Variants in BRINP1 observed in about 807,000 individuals in gnomAD.
BRINP1 encodes BMP/retinoic acid-inducible neural-specific protein 1.
Under a neutral mutation model 72.9 loss-of-function variants are expected in BRINP1, and 17 were observed. The ratio of observed to expected loss-of-function variants is 0.23; its 90% CI spans 0.16 to 0.35. The LOEUF (loss-of-function observed/expected upper bound fraction) is 0.35. Among genes scored for constraint, BRINP1 ranks in the 10% least tolerant of loss-of-function variants. BRINP1 has a pLI of 1.00. For missense variants in BRINP1, 850 were observed against 1,001.6 expected (o/e 0.85, Z 2.04); for synonymous variants, 418 against 378.5 (o/e 1.10, Z -1.21).
At chr9:119,334,039 CAG>C (rs1831326065) in intron 1 of BRINP1, among the ~76,000 whole-genome samples, 1 of 152,220 alleles carries the variant, frequency 6.6e-6, no homozygotes, top group African/African-American at 2.4e-5. Flanking sequence ...CACTCCCTGA[CAG>C]AGGCAGCTCT....
chr9:119,301,775 C>T (rs147895024), intron 2 of BRINP1, among the ~76,000 whole-genome samples: 48 of 152,240 alleles, frequency 3.2e-4, no homozygotes, highest in Non-Finnish European at 4.1e-4. Flanking sequence ...TCTGTACTAT[C>T]GTAGCAACTT....
At chr9:119,183,042 A>G (rs1362748453) in intron 7 of BRINP1, among the ~76,000 whole-genome samples, 1 of 152,258 alleles carries the variant, frequency 6.6e-6, no homozygotes, top group African/African-American at 2.4e-5. Context: ...GTTGTGGAAC[A>G]ATTGAAACTC....
intron 2 of BRINP1, among the ~76,000 whole-genome samples, chr9:119,282,330 T>C (rs1830720487): frequency 1.3e-5 from 2 of 152,216 alleles, no homozygotes; most frequent in African/African-American, 4.8e-5. Context: ...GGGTTGTAGC[T>C]GTGGCCCTGC....
chr9:119,293,990 G>T (rs1008610864), intron 2 of BRINP1, among the ~76,000 whole-genome samples: 1 of 152,104 alleles, frequency 6.6e-6, no homozygotes, highest in African/African-American at 2.4e-5. Flanking sequence ...GTTTGCAGAT[G>T]ATATGATGAT....
chr9:119,274,540 A>T (rs144084149), intron 2 of BRINP1, among the ~76,000 whole-genome samples: 631 of 152,322 alleles, frequency 4.1e-3, no homozygotes, highest in Admixed American at 6.9e-3. Flanking sequence ...GGAAGAGACC[A>T]TTAGAAGAGC....
intron 6 of BRINP1, among the ~76,000 whole-genome samples, chr9:119,212,232 G>A (rs1829936495): frequency 6.6e-6 from 1 of 152,142 alleles, no homozygotes; most frequent in African/African-American, 2.4e-5. Flanking sequence ...TGCATTCTGG[G>A]CTCCCAGAGC....
chr9:119,304,640 A>G (rs1830975736), intron 2 of BRINP1, among the ~76,000 whole-genome samples: 1 of 152,260 alleles, frequency 6.6e-6, no homozygotes, highest in East Asian at 1.9e-4. Context: ...AGAACTCTAC[A>G]TAAAAGAATG....
At chr9:119,248,099 T>C (rs112089823) in intron 3 of BRINP1, among the ~76,000 whole-genome samples, 7,394 of 152,224 alleles carry the variant, frequency 0.049, 624 homozygotes, top group African/African-American at 0.17. Context: ...GCTCAACATG[T>C]CTCTGAAGGA....
chr9:119,211,529 C>T (rs987473797), intron 6 of BRINP1, among the ~76,000 whole-genome samples: 6 of 151,974 alleles, frequency 3.9e-5, no homozygotes, highest in East Asian at 1.9e-4. Context: ...AGTACTACAA[C>T]GAATCCCCTA....
chr9:119,359,567 T>C (rs1372959678), intron 1 of BRINP1, among the ~76,000 whole-genome samples: 2 of 152,208 alleles, frequency 1.3e-5, no homozygotes, highest in Non-Finnish European at 2.9e-5. Context: ...CATCAGGTAA[T>C]GTGTTCCACA....
chr9:119,316,892 A>AC (rs1222040116), intron 1 of BRINP1, among the ~76,000 whole-genome samples: 5 of 151,846 alleles, frequency 3.3e-5, no homozygotes, highest in African/African-American at 1.2e-4. Context: ...AGAGATCGAG[A>AC]CTATCCTGGC....
At chr9:119,203,981 G>T (rs1272737135) in intron 7 of BRINP1, among the ~76,000 whole-genome samples, 1 of 152,044 alleles carries the variant, frequency 6.6e-6, no homozygotes, top group African/African-American at 2.4e-5. Flanking sequence ...AATGCTCTCC[G>T]ACTTCCAAGG....
intron 1 of BRINP1, among the ~76,000 whole-genome samples, chr9:119,318,649 G>A (rs1831150528): frequency 6.6e-6 from 1 of 152,130 alleles, no homozygotes; most frequent in South Asian, 2.1e-4. Flanking sequence ...GGGAGATCCT[G>A]GTAGTGATAC....
intron 2 of BRINP1, among the ~76,000 whole-genome samples, chr9:119,307,493 A>C (rs1831011028): frequency 6.6e-6 from 1 of 152,206 alleles, no homozygotes; most frequent in South Asian, 2.1e-4. Context: ...AAGAAGAACA[A>C]AAGGTTTGTG....
intron 7 of BRINP1, among the ~76,000 whole-genome samples, chr9:119,175,057 TG>T (rs1829465887): frequency 6.9e-6 from 1 of 145,516 alleles, no homozygotes; most frequent in Non-Finnish European, 1.5e-5. Flanking sequence ...GCATGGCACA[TG>T]TATACATATG....
At chr9:119,176,907 C>T (rs868110048) in intron 7 of BRINP1, among the ~76,000 whole-genome samples, 1 of 152,042 alleles carries the variant, frequency 6.6e-6, no homozygotes, top group African/African-American at 2.4e-5. Context: ...TTAGTGGGCT[C>T]CTTGAAACCC....
intron 1 of BRINP1, among the ~76,000 whole-genome samples, chr9:119,341,837 C>T (rs774255946): frequency 8.5e-5 from 13 of 152,094 alleles, no homozygotes; most frequent in Non-Finnish European, 1.3e-4. Context: ...GATCTCGGCT[C>T]ACTGCAACCT....
chr9:119,244,840 G>C (rs977441948), intron 3 of BRINP1, among the ~76,000 whole-genome samples: 1 of 152,144 alleles, frequency 6.6e-6, no homozygotes, highest in Non-Finnish European at 1.5e-5. Context: ...GAGTCTTTCT[G>C]TTCTCCAGGA....
At chr9:119,305,631 C>T (rs1830987989) in intron 2 of BRINP1, among the ~76,000 whole-genome samples, 1 of 152,172 alleles carries the variant, frequency 6.6e-6, no homozygotes, top group African/African-American at 2.4e-5. Context: ...AACACCTCTT[C>T]CTCCAGCATG....
Sources: allele counts gnomAD v4.1 joint callset (sites outside exome capture counted in the v4.1 genomes callset), GRCh38; gene constraint gnomAD v4.1.1; transcripts MANE v1.5; gene names NCBI Gene and HGNC (gene_info 2026-07-23, HGNC 2026-07-21).